The following VPS35L variants were observed in gnomAD, a reference collection of about 807,000 sequenced individuals.
VPS35L encodes VPS35 endosomal protein sorting factor like.
Under a neutral mutation model 133.0 loss-of-function variants are expected in VPS35L, and 83 were observed. The observed-to-expected ratio is 0.62, with a 90% CI of 0.52 to 0.75. The LOEUF is 0.75. Ranked by LOEUF, VPS35L falls within the 30% of genes least tolerant of loss-of-function variation. The pLI, the probability that VPS35L is intolerant of heterozygous loss-of-function variation, is 0.00. For missense variants in VPS35L, 1,083 were observed against 1,206.8 expected (o/e 0.90, Z 1.52); for synonymous variants, 423 against 449.9 (o/e 0.94, Z 0.76).
rs1567455732 is a variant in VPS35L, at chr16:19,650,512, G to A, written c.2106+53G>A. 1.3e-5 allele frequency: 17 copies of A among 1,359,190 alleles called. No homozygotes were observed. In the South Asian group the frequency reaches 1.9e-4, roughly 15 times the overall value. 84.2% of individuals were successfully genotyped at this position (1,359,190 alleles called of 1,614,324 possible). ...ACCTCGAACTCCAGTGGGCTGTTTA[G>A]TTTGCAGGTTACTAAATTACATTTC... On this transcript the variant is annotated intron_variant, in intron 25 of 30. Transcript: ENST00000417362.
intron 27 of VPS35L, among the ~76,000 whole-genome samples, chr16:19,681,158 G>A (rs889004120): frequency 6.6e-6 from 1 of 152,322 alleles, no homozygotes; most frequent in South Asian, 2.1e-4. Flanking sequence ...GTCCTACTGT[G>A]TGTGGGGGAG....
At chr16:19,676,734 T>C (rs1975075360) in intron 27 of VPS35L, among the ~76,000 whole-genome samples, 1 of 152,208 alleles carries the variant, frequency 6.6e-6, no homozygotes, top group South Asian at 2.1e-4. Flanking sequence ...TCATTCCGTC[T>C]ATTCCACAAA....
At chr16:19,610,498 C>A (rs1244237336) in intron 12 of VPS35L, 83 bp downstream of exon 12, 3 of 1,010,828 alleles carry the variant, frequency 3.0e-6, no homozygotes, top group Non-Finnish European at 4.4e-6. Context: ...CCTTCCCCAC[C>A]ACCCCGCAAG....
chr16:19,695,023 AGAC>A (rs1436582372), intron 29 of VPS35L, among the ~76,000 whole-genome samples: 3,436 of 150,866 alleles, frequency 0.023, 132 homozygotes, highest in African/African-American at 0.079. Context: ...AAAAAAAAAA[AGAC>A]AGAGCTCAAG....
Position 19,639,912 on chromosome 16 carries a change from C to T in VPS35L, c.1699-103C>T. The T allele has an allele frequency of 1.0e-6, 1 of 960,938 alleles. No homozygotes were observed. The highest frequency in any genetic ancestry group is 1.6e-5 in the South Asian group (1 of 64,212). The allele number at this position is 960,938 out of a possible 1,614,324, so 59.5% of individuals were successfully genotyped here. On this transcript the variant is annotated intron_variant, in intron 20 of 30. Transcript: ENST00000417362. This position sits in a 1 kb window ranked among gnomAD's most constrained non-coding sequence, Gnocchi z 4.1. ...ATCTGACCCGACTCAGAGAGATGAA[C>T]CTCTGTTCTGCTTCTTTGAACTCCA...
intron 14 of VPS35L, among the ~76,000 whole-genome samples, chr16:19,624,241 G>T (rs1160423004): frequency 6.8e-6 from 1 of 147,028 alleles, no homozygotes; most frequent in East Asian, 2.1e-4. Flanking sequence ...TCAGCCTCCT[G>T]AGTAGCTGGG....
At chr16:19,627,487 C>T (rs994873200) in intron 15 of VPS35L, among the ~76,000 whole-genome samples, 1 of 152,138 alleles carries the variant, frequency 6.6e-6, no homozygotes, top group Admixed American at 6.6e-5. Flanking sequence ...TCTAAACATC[C>T]AGTTAATTCA....
intron 18 of VPS35L, among the ~76,000 whole-genome samples, chr16:19,630,997 A>T (rs1597377927): frequency 6.6e-6 from 1 of 151,902 alleles, no homozygotes; most frequent in Non-Finnish European, 1.5e-5. Context: ...CGACAGAGTG[A>T]GACTCTGTCT....
intron 24 of VPS35L, among the ~76,000 whole-genome samples, chr16:19,648,894 AAAG>A (rs1974038241): frequency 1.4e-5 from 2 of 144,774 alleles, no homozygotes; most frequent in African/African-American, 5.2e-5. Context: ...AAAAAAAAAA[AAAG>A]TTAGGTTCAG....
chr16:19,600,722 A>G (rs1304460772), intron 8 of VPS35L, among the ~76,000 whole-genome samples: 5 of 152,220 alleles, frequency 3.3e-5, no homozygotes, highest in Admixed American at 1.3e-4. Context: ...CAGGCAGGTC[A>G]CATAAAAGAG....
intron 29 of VPS35L, among the ~76,000 whole-genome samples, chr16:19,693,199 T>C (rs1042291690): frequency 6.6e-6 from 1 of 152,090 alleles, no homozygotes; most frequent in African/African-American, 2.4e-5. Context: ...GGAAAACTGG[T>C]TTATCAAACC....
At chr16:19,646,362 C>T (rs1216357129) in intron 23 of VPS35L, among the ~76,000 whole-genome samples, 1 of 152,112 alleles carries the variant, frequency 6.6e-6, no homozygotes, top group African/African-American at 2.4e-5. Context: ...CATTTTAAGG[C>T]CAAGGCTTAG....
intron 19 of VPS35L, among the ~76,000 whole-genome samples, chr16:19,636,965 A>C (rs1280720894): frequency 6.6e-6 from 1 of 152,238 alleles, no homozygotes; most frequent in African/African-American, 2.4e-5. Context: ...AATCCTCTCC[A>C]GTGAATAATC....
chr16:19,619,422 C>T (rs62024062), intron 14 of VPS35L, among the ~76,000 whole-genome samples: 13,425 of 152,122 alleles, frequency 0.088, 749 homozygotes, highest in East Asian at 0.22. Context: ...TGCTGGTTCT[C>T]TATGGTCCTC....
chr16:19,625,880 G>A (rs1973245399), intron 14 of VPS35L, among the ~76,000 whole-genome samples: 1 of 152,014 alleles, frequency 6.6e-6, no homozygotes, highest in Non-Finnish European at 1.5e-5. Context: ...TACCATGTTG[G>A]CCAGACTAGT....
chr16:19,657,265 C>G (rs1447814134), intron 26 of VPS35L, among the ~76,000 whole-genome samples: 1 of 152,142 alleles, frequency 6.6e-6, no homozygotes, highest in Non-Finnish European at 1.5e-5. Context: ...CCGTGCCCAA[C>G]CAAGAATGAT....
chr16:19,577,414 T>A (rs1289447979), intron 5 of VPS35L, among the ~76,000 whole-genome samples: 1 of 152,176 alleles, frequency 6.6e-6, no homozygotes, highest in Non-Finnish European at 1.5e-5. Flanking sequence ...CCGTTCATGG[T>A]GGATCCCCCA....
chr16:19,699,626 G>A lies in VPS35L; in HGVS notation c.2771G>A (p.Gly924Asp), dbSNP rs922750409. 8 of 1,613,754 alleles carry A rather than the reference G, an allele frequency of 5.0e-6. No individual in the cohort carries two copies. The South Asian group carries it at 8.8e-5, about 18-fold the overall frequency. Residue 924 changes from glycine to aspartate, a missense_variant, in exon 30 of 31, where the codon GGC (glycine) becomes GAC (aspartate). Coordinates refer to ENST00000417362, the MANE Select transcript of VPS35L (RefSeq NM_020314.7). This position sits in a 1 kb window ranked among gnomAD's most constrained non-coding sequence, Gnocchi z 4.2. Reference sequence around the variant, plus strand: ...CTGTGGCACCTGGCACAGAGGCACGGCTGTGCAGACACCAGGACCATGGTG... The same window carrying A: ...CTGTGGCACCTGGCACAGAGGCACGACTGTGCAGACACCAGGACCATGGTG... ...VNLWHLAQRH[G>D]CADTRTMVKT...
rs201454411 is a variant in VPS35L, at chr16:19,666,299, T to TA, written c.2222-2852dup. On this transcript the variant is annotated intron_variant, in intron 26 of 30. Coordinates refer to ENST00000417362, the MANE Select transcript of VPS35L (RefSeq NM_020314.7). ...GAGTTCTCCTTTTTCTGTAGGTCTT[T>TA]AAAAAAAAATCCGTTATATCTTAAA... Among the ~76,000 whole-genome samples, 11 of 151,672 alleles carry TA rather than the reference T, an allele frequency of 7.3e-5. No homozygotes were observed. In the East Asian group the frequency reaches 9.7e-4, roughly 13 times the overall value.
Sources: gnomAD v4.1 joint callset for allele counts (sites outside exome capture counted in the v4.1 genomes callset) on GRCh38, gnomAD v4.1.1 for gene constraint, Gnocchi (gnomAD v3.1) non-coding constraint, MANE v1.5 for transcripts, NCBI Gene and HGNC (gene_info 2026-07-23, HGNC 2026-07-21) for gene names.